Variants in ZCCHC7 observed in about 807,000 individuals in gnomAD.
ZCCHC7 encodes zinc finger CCHC-type containing 7.
Under a neutral mutation model 52.0 loss-of-function variants are expected in ZCCHC7, and 35 were observed. The ratio of observed to expected loss-of-function variants is 0.67; its 90% CI spans 0.51 to 0.89. The LOEUF is 0.89. Ranked by LOEUF, ZCCHC7 falls within the 40% of genes least tolerant of loss-of-function variation. The pLI is 0.00. For missense variants in ZCCHC7, 574 were observed against 649.1 expected (o/e 0.88, Z 1.26); for synonymous variants, 217 against 221.5 (o/e 0.98, Z 0.18).
chr9:37,249,931 C>G (rs1268362319), intron 2 of ZCCHC7, among the ~76,000 whole-genome samples: 1 of 152,040 alleles, frequency 6.6e-6, no homozygotes, highest in Non-Finnish European at 1.5e-5. Flanking sequence ...AATGATGGCT[C>G]CACCGCTCTT....
chr9:37,211,780 G>A (rs1270330532), intron 2 of ZCCHC7, among the ~76,000 whole-genome samples: 1 of 152,022 alleles, frequency 6.6e-6, no homozygotes, highest in Non-Finnish European at 1.5e-5. Context: ...TGTAATCACA[G>A]CACTTTGGGA....
At chr9:37,296,254 C>T (rs1828778351) in intron 2 of ZCCHC7, among the ~76,000 whole-genome samples, 1 of 152,106 alleles carries the variant, frequency 6.6e-6, no homozygotes, top group Non-Finnish European at 1.5e-5. Context: ...TGGAAAAGCA[C>T]ATTACAGACA....
chr9:37,324,462 G>A (rs1416546301), intron 5 of ZCCHC7, among the ~76,000 whole-genome samples: 1 of 152,202 alleles, frequency 6.6e-6, no homozygotes, highest in Non-Finnish European at 1.5e-5. Context: ...ATTCAGAGAG[G>A]AAGAAGCTTT....
intron 2 of ZCCHC7, among the ~76,000 whole-genome samples, chr9:37,264,807 A>G (rs1281525870): frequency 6.6e-6 from 1 of 152,180 alleles, no homozygotes; most frequent in African/African-American, 2.4e-5. Context: ...AGTCCTCTCC[A>G]TAGCAGTTAA....
chr9:37,186,506 G>A (rs769112804), intron 2 of ZCCHC7, among the ~76,000 whole-genome samples: 79 of 152,144 alleles, frequency 5.2e-4, no homozygotes, highest in Non-Finnish European at 8.7e-4. Context: ...GTAATTTAGA[G>A]ATTATATACT....
rs1821561153 is a variant in ZCCHC7, at chr9:37,354,261, A to G, written c.1084-449A>G. Reference sequence around the variant, plus strand: ...TGCAAACCATTTGTCTCTAGAAAAAAAGATCAAAGGGCTTAGAACTTATAC... The same window carrying G: ...TGCAAACCATTTGTCTCTAGAAAAAGAGATCAAAGGGCTTAGAACTTATAC... On this transcript the variant is annotated intron_variant, in intron 7 of 8. Coordinates refer to ENST00000336755, the MANE Select transcript of ZCCHC7 (RefSeq NM_032226.3). The surrounding 1 kb of genome is among the most constrained non-coding windows in gnomAD (Gnocchi z 4.0). Among the ~76,000 whole-genome samples the G allele has an allele frequency of 6.6e-6, 1 of 152,206 alleles. No individual in the cohort carries two copies. The highest frequency in any genetic ancestry group is 1.5e-5 in the Non-Finnish European group (1 of 68,040).
intron 2 of ZCCHC7, among the ~76,000 whole-genome samples, chr9:37,201,454 T>C (rs1823625789): frequency 6.6e-6 from 1 of 152,238 alleles, no homozygotes; most frequent in Non-Finnish European, 1.5e-5. Context: ...AGCTGTTTTA[T>C]TGCAAGTATT....
chr9:37,213,942 T>A (rs1034129554), intron 2 of ZCCHC7, among the ~76,000 whole-genome samples: 4 of 152,122 alleles, frequency 2.6e-5, no homozygotes, highest in African/African-American at 9.6e-5. Flanking sequence ...GATAGATAGC[T>A]TTTTCTAAGT....
chr9:37,148,408 A>G (rs1364851215), intron 2 of ZCCHC7, among the ~76,000 whole-genome samples: 2 of 152,130 alleles, frequency 1.3e-5, no homozygotes, highest in East Asian at 1.9e-4. Flanking sequence ...CAGGGGAGAT[A>G]AGGATATATC....
intron 2 of ZCCHC7, among the ~76,000 whole-genome samples, chr9:37,194,130 T>C (rs1823161639): frequency 6.6e-6 from 1 of 152,170 alleles, no homozygotes; most frequent in Non-Finnish European, 1.5e-5. Flanking sequence ...TGTGGATATA[T>C]TGAAGACAAA....
At chr9:37,199,446 C>T (rs1470774791) in intron 2 of ZCCHC7, among the ~76,000 whole-genome samples, 2 of 151,348 alleles carry the variant, frequency 1.3e-5, no homozygotes, top group African/African-American at 2.4e-5. Flanking sequence ...ATTCTCCTGC[C>T]TCAGCCTCCC....
At chr9:37,194,593 G>A (rs1376226482) in intron 2 of ZCCHC7, among the ~76,000 whole-genome samples, 2 of 152,200 alleles carry the variant, frequency 1.3e-5, no homozygotes, top group East Asian at 1.9e-4. Flanking sequence ...TTAAGCTTAA[G>A]TGATGTATTG....
chr9:37,349,430 C>T lies in ZCCHC7; in HGVS notation c.1061C>T (p.Ala354Val), dbSNP rs780869029. ...GCCTTAGCATATTGCTATCACTGCG[C>T]GCAAAAAGGCCATTATGGACACGTA... ...PSALAYCYHC[A>V]QKGHYGHECP... The change falls in exon 7 of 9, where the codon GCG becomes GTG. Residue 354 changes from alanine to valine, a missense_variant. By Grantham distance (64) the Ala-to-Val change is moderately conservative. Coordinates refer to ENST00000336755, the MANE Select transcript of ZCCHC7 (RefSeq NM_032226.3). 5.9e-5 allele frequency: 96 copies of T among 1,613,766 alleles called. No individual in the cohort carries two copies. The highest frequency in any genetic ancestry group is 6.8e-5 in the Non-Finnish European group (80 of 1,179,894).
At chr9:37,331,967 A>G (rs1016863624) in intron 6 of ZCCHC7, among the ~76,000 whole-genome samples, 1 of 151,644 alleles carries the variant, frequency 6.6e-6, no homozygotes, top group Non-Finnish European at 1.5e-5. Context: ...GGCCTAGCAC[A>G]TAGGTTTTCA....
chr9:37,224,100 A>G (rs1824969659), intron 2 of ZCCHC7, among the ~76,000 whole-genome samples: 1 of 152,122 alleles, frequency 6.6e-6, no homozygotes, highest in Non-Finnish European at 1.5e-5. Context: ...ATATTAATAA[A>G]GGGGTCACAA....
At position 37,354,861 on chromosome 9, in the gene ZCCHC7, G is replaced by GT. The variant is rs1821601040; in HGVS notation, c.1198+38dup. 8.6e-6 allele frequency: 12 copies of GT among 1,394,492 alleles called. No homozygotes were observed. The highest frequency in any genetic ancestry group is 1.1e-5 in the Non-Finnish European group (11 of 997,558). 86.4% of individuals were successfully genotyped at this position (1,394,492 alleles called of 1,614,324 possible). ...GACTTCTTGTTAGATCACATTTGCA[G>GT]TAGTTTCTAAATTTCTTTGTTTGTA... On this transcript the variant is annotated intron_variant, in intron 8 of 8. Coordinates refer to ENST00000336755, the MANE Select transcript of ZCCHC7 (RefSeq NM_032226.3). The surrounding 1 kb of genome is among the most constrained non-coding windows in gnomAD (Gnocchi z 4.0).
intron 2 of ZCCHC7, among the ~76,000 whole-genome samples, chr9:37,188,519 C>G (rs1316213872): frequency 9.4e-6 from 1 of 106,898 alleles, no homozygotes; most frequent in Non-Finnish European, 2.0e-5. Flanking sequence ...CCCCTCCCCC[C>G]TCTCCCCACC....
intron 2 of ZCCHC7, among the ~76,000 whole-genome samples, chr9:37,237,281 A>G (rs188438719): frequency 6.6e-6 from 1 of 152,202 alleles, no homozygotes; most frequent in Non-Finnish European, 1.5e-5. Context: ...CTTAAGAATA[A>G]CTCTCTGAGA....
intron 2 of ZCCHC7, among the ~76,000 whole-genome samples, chr9:37,192,822 T>TA (rs1823086950): frequency 6.6e-6 from 1 of 150,562 alleles, no homozygotes; most frequent in Non-Finnish European, 1.5e-5. Context: ...TTTCCCTTTT[T>TA]AAAAAAACTT....
Sources: gnomAD v4.1 joint callset for allele counts (sites outside exome capture counted in the v4.1 genomes callset) on GRCh38, gnomAD v4.1.1 for gene constraint, Gnocchi (gnomAD v3.1) non-coding constraint, MANE v1.5 for transcripts, NCBI Gene and HGNC (gene_info 2026-07-23, HGNC 2026-07-21) for gene names.